Variants in CRB1 observed in about 807,000 individuals in gnomAD.
CRB1 encodes the protein protein crumbs homolog 1.
CRB1 carries 83 observed loss-of-function variants against 120.0 expected under a neutral mutation model. The observed-to-expected ratio is 0.69, with a 90% CI of 0.58 to 0.83. The LOEUF is 0.83. CRB1 is among the 40% of genes least tolerant of loss of function. The probability of loss-of-function intolerance (pLI) is 0.00; values close to 1 mark genes in which losing one functional copy is unlikely to be tolerated. For missense variants in CRB1, 1,699 were observed against 1,687.6 expected (o/e 1.01, Z -0.12); for synonymous variants, 625 against 612.5 (o/e 1.02, Z -0.30).
chr1:197,417,635 G>T (rs547221787), intron 5 of CRB1, among the ~76,000 whole-genome samples: 5 of 152,282 alleles, frequency 3.3e-5, no homozygotes, highest in African/African-American at 9.6e-5. Context: ...AGTCTCAGCT[G>T]CAGGAATAGA....
chr1:197,357,276 C>G (rs771655530), intron 5 of CRB1: 4 of 520,854 alleles, frequency 7.7e-6, no homozygotes, highest in Non-Finnish European at 1.4e-5. Flanking sequence ...TGGAGTGCAT[C>G]TCAAGTTCTT....
chr1:197,415,087 T>C (rs547115544), intron 5 of CRB1, among the ~76,000 whole-genome samples: 1 of 152,284 alleles, frequency 6.6e-6, no homozygotes. Context: ...TGACATTTTA[T>C]GAAAGATCAA....
chr1:197,395,642 T>G (rs1662733142), intron 5 of CRB1, among the ~76,000 whole-genome samples: 1 of 152,112 alleles, frequency 6.6e-6, no homozygotes, highest in Non-Finnish European at 1.5e-5. Context: ...ACTCAACACC[T>G]ACTGTGTGCC....
intron 5 of CRB1, among the ~76,000 whole-genome samples, chr1:197,361,517 G>T (rs1031229116): frequency 1.3e-5 from 2 of 151,734 alleles, no homozygotes; most frequent in African/African-American, 2.4e-5. Flanking sequence ...TTTTGCTGTC[G>T]TTGGATGGAG....
intron 8 of CRB1, among the ~76,000 whole-genome samples, chr1:197,430,503 G>A (rs989376798): frequency 5.9e-5 from 9 of 151,998 alleles, no homozygotes; most frequent in African/African-American, 2.2e-4. Flanking sequence ...ACCCTTTAAT[G>A]TGTTGTCCGC....
At chr1:197,441,926 T>C (rs1665462543) in intron 10 of CRB1, 1 of 526,900 alleles carries the variant, frequency 1.9e-6, no homozygotes, top group Non-Finnish European at 3.4e-6. Context: ...TATTTTCTCA[T>C]TCTAATTAAT....
chr1:197,365,476 C>G (rs1339764396), intron 5 of CRB1, among the ~76,000 whole-genome samples: 1 of 152,058 alleles, frequency 6.6e-6, no homozygotes, highest in Non-Finnish European at 1.5e-5. Context: ...TGCCATGGCC[C>G]CCTTGCCTAT....
intron 5 of CRB1, among the ~76,000 whole-genome samples, chr1:197,405,045 G>GCCCTCTCCCTCT (rs558234588): frequency 2.1e-5 from 3 of 145,198 alleles, no homozygotes; most frequent in African/African-American, 5.0e-5. Flanking sequence ...GCTCGCCCTC[G>GCCCTCTCCCTCT]CCCTCTCCCT....
the CRB1 span, among the ~76,000 whole-genome samples, chr1:197,210,806 T>C: frequency 2.6e-5 from 4 of 152,218 alleles, no homozygotes; most frequent in African/African-American, 9.6e-5. Context: ...GAGAGTATAG[T>C]CTGCAGAAGG....
rs186260622 is a variant in CRB1, at chr1:197,436,132, A to G, written c.3749+520A>G. Reference sequence around the variant, plus strand: ...TCCACATTTAACTTTTAACTCTCCCAAAACATAACAACTATCAGCCTGGTT... The same window carrying G: ...TCCACATTTAACTTTTAACTCTCCCGAAACATAACAACTATCAGCCTGGTT... On this transcript the variant is annotated intron_variant, in intron 9 of 11. Transcript: ENST00000367400. 5.3e-5 allele frequency among the ~76,000 whole-genome samples: 8 copies of G among 152,268 alleles called. No homozygotes were observed. In the East Asian group the frequency reaches 1.5e-3, roughly 29 times the overall value.
intron 5 of CRB1, among the ~76,000 whole-genome samples, chr1:197,407,493 G>A (rs1456923221): frequency 6.6e-6 from 1 of 152,160 alleles, no homozygotes; most frequent in Non-Finnish European, 1.5e-5. Flanking sequence ...TAAAATTTGT[G>A]TCTCTGAAAG....
At chr1:197,391,834 C>T (rs1662520849) in intron 5 of CRB1, among the ~76,000 whole-genome samples, 1 of 152,014 alleles carries the variant, frequency 6.6e-6, no homozygotes, top group Non-Finnish European at 1.5e-5. Flanking sequence ...GCAACAGACC[C>T]TCCTACAGTA....
At chr1:197,222,512 A>G in the CRB1 span, 1 of 768,502 alleles carries the variant, frequency 1.3e-6, no homozygotes. Flanking sequence ...TGGAGAATGC[A>G]GTTCCGTTTG....
intron 1 of CRB1, among the ~76,000 whole-genome samples, chr1:197,279,537 C>CT (rs747284548): frequency 4.1e-3 from 540 of 130,788 alleles, no homozygotes; most frequent in African/African-American, 9.8e-3. Context: ...TGTTTTCTGG[C>CT]TTTTTTTTTT....
chr1:197,436,183 G>C (rs1056054628), intron 9 of CRB1, among the ~76,000 whole-genome samples: 6 of 151,976 alleles, frequency 3.9e-5, no homozygotes, highest in African/African-American at 1.5e-4. Context: ...CAATAACATA[G>C]TCAATTAACA....
the CRB1 span, among the ~76,000 whole-genome samples, chr1:197,255,126 A>G: frequency 6.6e-6 from 1 of 152,058 alleles, no homozygotes; most frequent in African/African-American, 2.4e-5. Flanking sequence ...GCAGTGTGCT[A>G]AATTCCTTTT....
chr1:197,456,861 C>A (rs915561723), intron 11 of CRB1, among the ~76,000 whole-genome samples: 1 of 152,176 alleles, frequency 6.6e-6, no homozygotes, highest in African/African-American at 2.4e-5. Context: ...TCAAGGCAGT[C>A]CTGCAGGTTA....
At position 197,350,722 on chromosome 1, in the gene CRB1, A is replaced by T. The variant is rs546249333; in HGVS notation, c.988+3243A>T. On this transcript the variant is annotated intron_variant, in intron 4 of 11. Coordinates refer to ENST00000367400, the MANE Select transcript of CRB1 (RefSeq NM_201253.3). ...ATGAATAGAGAAGAAGTGCAGGGAT[A>T]GCTTGATCAAAGAGGCACCATTTTA... Among the ~76,000 whole-genome samples the T allele has an allele frequency of 2.0e-5, 3 of 152,348 alleles. No individual in the cohort carries two copies. In the South Asian group the frequency reaches 6.2e-4, roughly 32 times the overall value.
the CRB1 span, among the ~76,000 whole-genome samples, chr1:197,204,748 T>C: frequency 6.6e-6 from 1 of 152,232 alleles, no homozygotes; most frequent in Non-Finnish European, 1.5e-5. Flanking sequence ...GCTGATTGTT[T>C]CTTTTGCTGT....
Sources: allele counts gnomAD v4.1 joint callset (sites outside exome capture counted in the v4.1 genomes callset), GRCh38; gene constraint gnomAD v4.1.1; transcripts MANE v1.5; gene names NCBI Gene and HGNC (gene_info 2026-07-23, HGNC 2026-07-21).